TAB2: variants seen among roughly 807,000 people sequenced by gnomAD.
The protein encoded by TAB2 is TGF-beta activated kinase 1 (MAP3K7) binding protein 2.
A neutral mutation model predicts 65.0 loss-of-function variants in TAB2; 3 were observed. That is an observed-to-expected ratio of 0.05 (90% confidence interval 0.02 to 0.12). The LOEUF (loss-of-function observed/expected upper bound fraction) is 0.12. Among genes scored for constraint, TAB2 ranks in the 10% least tolerant of loss-of-function variants. The pLI, the probability that TAB2 is intolerant of heterozygous loss-of-function variation, is 1.00. For synonymous variants in TAB2, 298 were observed against 285.1 expected (o/e 1.05, Z -0.46); for missense variants, 623 against 840.3 (o/e 0.74, Z 3.20).
At chr6:149,286,799 A>AG (rs1778683896) in intron 1 of TAB2, among the ~76,000 whole-genome samples, 1 of 152,188 alleles carries the variant, frequency 6.6e-6, no homozygotes, top group Non-Finnish European at 1.5e-5. Context: ...TATAATATTA[A>AG]GGGGAAAAAA....
chr6:149,349,087 G>A (rs924582765), intron 1 of TAB2, among the ~76,000 whole-genome samples: 3 of 152,010 alleles, frequency 2.0e-5, no homozygotes, highest in Non-Finnish European at 4.4e-5. Context: ...GTTTGCTTAT[G>A]GAAGGGAGCA....
intron 1 of TAB2, 29 bp from the exon 2 acceptor site, chr6:149,369,880 C>A: frequency 1.2e-6 from 1 of 805,788 alleles, no homozygotes; most frequent in Non-Finnish European, 2.1e-6. Flanking sequence ...AATCAGTTCT[C>A]ATTAAAATTT....
intron 1 of TAB2, among the ~76,000 whole-genome samples, chr6:149,222,668 G>C (rs1178330475): frequency 6.6e-6 from 1 of 150,992 alleles, no homozygotes; most frequent in Non-Finnish European, 1.5e-5. Flanking sequence ...ATGTGCCATT[G>C]GTTCTGTTTC....
chr6:149,343,802 T>G (rs907170650), intron 1 of TAB2, among the ~76,000 whole-genome samples: 1 of 152,186 alleles, frequency 6.6e-6, no homozygotes, highest in African/African-American at 2.4e-5. Flanking sequence ...TATTTATTCC[T>G]TTTACCAATA....
At chr6:149,394,088 A>G (rs1424573017) in intron 3 of TAB2, among the ~76,000 whole-genome samples, 1 of 151,238 alleles carries the variant, frequency 6.6e-6, no homozygotes, top group Non-Finnish European at 1.5e-5. Context: ...ATAGACTGAT[A>G]CTGTTCTGCA....
chr6:149,333,417 T>C (rs1248589790), intron 1 of TAB2, among the ~76,000 whole-genome samples: 4 of 152,182 alleles, frequency 2.6e-5, no homozygotes. Context: ...TTGCAAATAG[T>C]AGGCTAGGTT....
At chr6:149,391,476 GA>G (rs1462862539) in intron 3 of TAB2, among the ~76,000 whole-genome samples, 7 of 151,652 alleles carry the variant, frequency 4.6e-5, no homozygotes, top group Non-Finnish European at 7.4e-5. Context: ...TTAATATCCT[GA>G]ACGAGCTTTC....
intron 3 of TAB2, among the ~76,000 whole-genome samples, chr6:149,384,499 T>C (rs11155647): frequency 0.24 from 35,896 of 152,080 alleles, 4,431 homozygotes; most frequent in Non-Finnish European, 0.26. Flanking sequence ...ACTACAGGAA[T>C]CAGAGACAAA....
At chr6:149,310,358 C>T (rs777132763) in intron 1 of TAB2, among the ~76,000 whole-genome samples, 2 of 151,882 alleles carry the variant, frequency 1.3e-5, no homozygotes, top group Non-Finnish European at 2.9e-5. Context: ...AAACAAAAAA[C>T]GTAAATGTGG....
At chr6:149,308,317 T>A (rs138170649) in intron 1 of TAB2, among the ~76,000 whole-genome samples, 2,639 of 152,206 alleles carry the variant, frequency 0.017, 158 homozygotes, top group Admixed American at 0.12. Flanking sequence ...ATACTCCCAC[T>A]CCCAGGATAC....
rs1287381592 is a variant in TAB2, at chr6:149,369,972, A to G, written c.-26A>G. The G allele has an allele frequency of 1.9e-6, 3 of 1,586,622 alleles. No homozygotes were observed. The highest frequency in any genetic ancestry group is 2.6e-6 in the Non-Finnish European group (3 of 1,155,028). Reference sequence around the variant, plus strand: ...AAGGCCTAGAATTGCCTACTGTACAAATAGTCCTGATCAGGCAATATACGA... The same window carrying G: ...AAGGCCTAGAATTGCCTACTGTACAGATAGTCCTGATCAGGCAATATACGA... On this transcript the variant is annotated 5_prime_UTR_variant, in exon 2 of 7. Coordinates refer to ENST00000637181, the MANE Select transcript of TAB2 (RefSeq NM_001292034.3).
chr6:149,378,621 G>A lies in TAB2; in HGVS notation c.706G>A (p.Val236Ile), dbSNP rs1781491948. Reference sequence around the variant, plus strand: ...ACAGACACAACAGCATTCTGGCTGGGTATCTCAGTTTAATCCCATGAACCC... The same window carrying A: ...ACAGACACAACAGCATTCTGGCTGGATATCTCAGTTTAATCCCATGAACCC... ...TRQTQQHSGWVSQFNPMNPQQ... is the reference protein window; with the variant it reads ...TRQTQQHSGWISQFNPMNPQQ... Residue 236 changes from valine (V) to isoleucine (I), a missense_variant, in exon 3 of 7, where the codon GTA (valine) becomes ATA (isoleucine). Around this residue, in one of 3 missense-constraint regions of TAB2, gnomAD observed 550 missense variants for 665.7 expected, o/e 0.83. Transcript: ENST00000637181. The A allele has an allele frequency of 6.2e-7, 1 of 1,613,172 alleles. No individual in the cohort carries two copies. The highest frequency in any genetic ancestry group is 1.1e-5 in the South Asian group (1 of 91,080).
At chr6:149,231,113 C>A (rs571053494) in intron 1 of TAB2, among the ~76,000 whole-genome samples, 1 of 152,340 alleles carries the variant, frequency 6.6e-6, no homozygotes, top group South Asian at 2.1e-4. Context: ...CAGAGGCTGC[C>A]ACACTAAACT....
At chr6:149,403,245 AAAATAT>A (rs1345125673) in intron 6 of TAB2, among the ~76,000 whole-genome samples, 1,333 of 47,154 alleles carry the variant, frequency 0.028, 36 homozygotes, top group South Asian at 0.046. Context: ...AAAAAAAAAA[AAAATAT>A]ATATATATAT....
chr6:149,324,721 A>G (rs1779548129), intron 1 of TAB2, among the ~76,000 whole-genome samples: 1 of 152,150 alleles, frequency 6.6e-6, no homozygotes, highest in Non-Finnish European at 1.5e-5. Context: ...AGGCCAAGCA[A>G]CTTTTGTTTA....
chr6:149,258,909 G>A (rs1368539019), intron 1 of TAB2, among the ~76,000 whole-genome samples: 2 of 152,226 alleles, frequency 1.3e-5, no homozygotes, highest in Non-Finnish European at 2.9e-5. Context: ...CAGGGTTGGT[G>A]TCAGAGTTAT....
intron 1 of TAB2, among the ~76,000 whole-genome samples, chr6:149,265,257 G>T (rs939503299): frequency 1.3e-5 from 2 of 150,492 alleles, no homozygotes; most frequent in Admixed American, 6.6e-5. Context: ...CTCTAATGGC[G>T]AAGACCCTAC....
At chr6:149,379,721 G>A (rs1367941385) in intron 3 of TAB2, among the ~76,000 whole-genome samples, 1 of 152,004 alleles carries the variant, frequency 6.6e-6, no homozygotes, top group African/African-American at 2.4e-5. Flanking sequence ...CTGGAAGTTT[G>A]AGTAATTGGG....
chr6:149,384,982 T>C (rs1781742945), intron 3 of TAB2, among the ~76,000 whole-genome samples: 1 of 152,146 alleles, frequency 6.6e-6, no homozygotes, highest in South Asian at 2.1e-4. Flanking sequence ...TATAAAATGA[T>C]AAATATTTTT....
Sources: allele counts gnomAD v4.1 joint callset (sites outside exome capture counted in the v4.1 genomes callset), GRCh38; gene constraint gnomAD v4.1.1; regional missense constraint gnomAD v4.1.1; transcripts MANE v1.5; gene names NCBI Gene and HGNC (gene_info 2026-07-23, HGNC 2026-07-21).